Variants in LDB2 observed in about 807,000 individuals in gnomAD.
LDB2 encodes LIM domain binding 2.
Under a neutral mutation model 44.3 loss-of-function variants are expected in LDB2, and 12 were observed. The observed-to-expected ratio is 0.27, with a 90% CI of 0.17 to 0.44. The LOEUF (loss-of-function observed/expected upper bound fraction) is 0.44. Ranked by LOEUF, LDB2 falls within the 20% of genes least tolerant of loss-of-function variation. The probability of loss-of-function intolerance (pLI) is 1.00; values close to 1 mark genes in which losing one functional copy is unlikely to be tolerated. For synonymous variants in LDB2, 164 were observed against 174.8 expected (o/e 0.94, Z 0.49); for missense variants, 344 against 473.5 (o/e 0.73, Z 2.54).
intron 2 of LDB2, among the ~76,000 whole-genome samples, chr4:16,742,945 G>T (rs1156451758): frequency 6.6e-6 from 1 of 152,066 alleles, no homozygotes; most frequent in Non-Finnish European, 1.5e-5. Context: ...CCCTACAGCA[G>T]GAAATGACTT....
chr4:16,642,508 T>C (rs1735483742), intron 2 of LDB2, among the ~76,000 whole-genome samples: 2 of 151,906 alleles, frequency 1.3e-5, no homozygotes, highest in South Asian at 2.1e-4. Context: ...AGGAGATAAA[T>C]TGAAAATGAA....
At chr4:16,520,627 C>T (rs1018004370) in intron 5 of LDB2, among the ~76,000 whole-genome samples, 2 of 152,142 alleles carry the variant, frequency 1.3e-5, no homozygotes, top group African/African-American at 2.4e-5. Context: ...ACAGGGTGTC[C>T]CTCCGTTCTC....
chr4:16,631,321 C>T (rs1468330194), intron 2 of LDB2, among the ~76,000 whole-genome samples: 1 of 152,178 alleles, frequency 6.6e-6, no homozygotes, highest in Admixed American at 6.5e-5. Context: ...GAACAACCTG[C>T]TCCTGAATGA....
chr4:16,523,629 G>T (rs1727113814), intron 5 of LDB2, among the ~76,000 whole-genome samples: 1 of 151,986 alleles, frequency 6.6e-6, no homozygotes, highest in Non-Finnish European at 1.5e-5. Context: ...GGCTACTCAG[G>T]GACTAATGGG....
chr4:16,645,363 C>T (rs985167583), intron 2 of LDB2, among the ~76,000 whole-genome samples: 1 of 151,524 alleles, frequency 6.6e-6, no homozygotes. Flanking sequence ...GGTGAAACCC[C>T]GTCTCTACTA....
intron 1 of LDB2, among the ~76,000 whole-genome samples, chr4:16,839,376 C>G (rs1292496748): frequency 6.6e-6 from 1 of 152,172 alleles, no homozygotes; most frequent in Non-Finnish European, 1.5e-5. Flanking sequence ...TTTTCAACAA[C>G]CAGCTCTTGT....
At chr4:16,643,386 T>C (rs1735753929) in intron 2 of LDB2, among the ~76,000 whole-genome samples, 1 of 152,242 alleles carries the variant, frequency 6.6e-6, no homozygotes, top group Admixed American at 6.5e-5. Context: ...TTGATAATAG[T>C]TCTTTTCTCA....
At chr4:16,832,332 G>T (rs1300928663) in intron 1 of LDB2, among the ~76,000 whole-genome samples, 3 of 152,134 alleles carry the variant, frequency 2.0e-5, no homozygotes, top group African/African-American at 7.2e-5. Flanking sequence ...CTTATAATTA[G>T]CAGAGTTAGG....
chr4:16,617,656 AT>A lies in LDB2; in HGVS notation c.236-21782del, dbSNP rs1231091671. On this transcript the variant is annotated intron_variant, in intron 2 of 7. Transcript: ENST00000304523. ...GATTCAGTGTTCCTAAGAGCTACAC[AT>A]GGAAGGTTTTGTAACTGTTTAGATC... Among the ~76,000 whole-genome samples, 50 of 152,294 alleles carry A rather than the reference AT, an allele frequency of 3.3e-4. No homozygotes were observed. The East Asian group carries it at 4.4e-3, about 14-fold the overall frequency.
At chr4:16,830,624 A>T (rs1290932825) in intron 1 of LDB2, among the ~76,000 whole-genome samples, 1 of 152,212 alleles carries the variant, frequency 6.6e-6, no homozygotes, top group Non-Finnish European at 1.5e-5. Context: ...TACATGAAGG[A>T]GTCATTAAGA....
chr4:16,888,276 T>A (rs936868386), intron 1 of LDB2, among the ~76,000 whole-genome samples: 1 of 152,240 alleles, frequency 6.6e-6, no homozygotes, highest in African/African-American at 2.4e-5. Context: ...AGGGAACCTT[T>A]TAATGTTTTG....
intron 2 of LDB2, among the ~76,000 whole-genome samples, chr4:16,693,373 A>G (rs536246397): frequency 1.9e-5 from 2 of 106,200 alleles, no homozygotes; most frequent in South Asian, 6.0e-4. Context: ...TTTTTTTGAG[A>G]TGAATTCTTG....
intron 5 of LDB2, among the ~76,000 whole-genome samples, chr4:16,514,852 A>G (rs561340103): frequency 6.6e-6 from 1 of 152,342 alleles, no homozygotes; most frequent in South Asian, 2.1e-4. Flanking sequence ...CAAGATTACT[A>G]TAGAGTTAAC....
intron 1 of LDB2, among the ~76,000 whole-genome samples, chr4:16,821,079 T>G (rs1463867048): frequency 6.6e-6 from 1 of 152,212 alleles, no homozygotes; most frequent in Non-Finnish European, 1.5e-5. Context: ...TACTCATTAT[T>G]TTTTGACAGT....
chr4:16,638,733 G>GCA (rs1734308871), intron 2 of LDB2, among the ~76,000 whole-genome samples: 3 of 152,104 alleles, frequency 2.0e-5, no homozygotes, highest in African/African-American at 2.4e-5. Context: ...CACTGTGCTG[G>GCA]GTACTAGGAC....
At chr4:16,705,520 G>A (rs1488048020) in intron 2 of LDB2, among the ~76,000 whole-genome samples, 1 of 152,120 alleles carries the variant, frequency 6.6e-6, no homozygotes, top group East Asian at 1.9e-4. Context: ...AGAATGAGAG[G>A]CAGGAAATTC....
Position 16,851,204 on chromosome 4 carries a change from G to A in LDB2, c.132+47150C>T, listed in dbSNP as rs187766053. Among the ~76,000 whole-genome samples, 435 of 152,048 alleles carry A rather than the reference G, an allele frequency of 2.9e-3. 2 individuals are homozygous for A. Among genetic ancestry groups the A allele is most frequent in the African/African-American group, 0.01 (418 of 41,434 alleles). On this transcript the variant is annotated intron_variant, in intron 1 of 7. Coordinates refer to ENST00000304523, the MANE Select transcript of LDB2 (RefSeq NM_001290.5). Reference sequence around the variant, plus strand: ...CATAACCAACTTCAAGCTACCAACAGGATATCAACAGGCTTACAAAAGTTG... The same window carrying A: ...CATAACCAACTTCAAGCTACCAACAAGATATCAACAGGCTTACAAAAGTTG...
chr4:16,610,099 A>G (rs1008264782), intron 2 of LDB2, among the ~76,000 whole-genome samples: 2 of 152,008 alleles, frequency 1.3e-5, no homozygotes, highest in Non-Finnish European at 2.9e-5. Context: ...AGCAAACTGC[A>G]GCACCCCTAC....
intron 1 of LDB2, among the ~76,000 whole-genome samples, chr4:16,893,998 T>C (rs957374456): frequency 6.6e-6 from 1 of 152,164 alleles, no homozygotes. Context: ...TCACTTACAA[T>C]GATGTCCACT....
Sources: allele counts gnomAD v4.1 joint callset (sites outside exome capture counted in the v4.1 genomes callset), GRCh38; gene constraint gnomAD v4.1.1; transcripts MANE v1.5; gene names NCBI Gene and HGNC (gene_info 2026-07-23, HGNC 2026-07-21).